The following TCF7 variants were observed in gnomAD, a reference collection of about 807,000 sequenced individuals.
The protein encoded by TCF7 is T-cell-factor-7.
Under a neutral mutation model 46.8 loss-of-function variants are expected in TCF7, and 19 were observed. The ratio of observed to expected loss-of-function variants is 0.41; its 90% confidence interval spans 0.28 to 0.60. The LOEUF is 0.60. Ranked by LOEUF, TCF7 falls within the 20% of genes least tolerant of loss-of-function variation. The pLI, the probability that TCF7 is intolerant of heterozygous loss-of-function variation, is 0.35. For synonymous variants in TCF7, 245 were observed against 213.4 expected, an observed-to-expected ratio of 1.15 and a Z score of -1.29; for missense variants, 547 against 504.6, an observed-to-expected ratio of 1.08 and a Z score of -0.81.
At chr5:134,133,197 C>G (rs941401995) in intron 3 of TCF7, among the ~76,000 whole-genome samples, 1 of 152,158 alleles carries the variant, frequency 6.6e-6, no homozygotes, top group Non-Finnish European at 1.5e-5. Flanking sequence ...GTTTGCTGAT[C>G]AAGCAGTTTG....
chr5:134,119,162 C>T (rs1449024284), intron 3 of TCF7, among the ~76,000 whole-genome samples: 3 of 152,176 alleles, frequency 2.0e-5, no homozygotes, highest in Non-Finnish European at 4.4e-5. Flanking sequence ...TCAGTCTTGT[C>T]ATATCCAAAA....
At chr5:134,122,191 T>TA (rs1007632819) in intron 3 of TCF7, among the ~76,000 whole-genome samples, 8 of 152,064 alleles carry the variant, frequency 5.3e-5, no homozygotes, top group African/African-American at 1.9e-4. Context: ...GACCCCTGGT[T>TA]AGAGCCAGGC....
chr5:134,129,291 C>T (rs1580839558), intron 3 of TCF7, among the ~76,000 whole-genome samples: 1 of 152,184 alleles, frequency 6.6e-6, no homozygotes, highest in Non-Finnish European at 1.5e-5. Context: ...TGGTATTTTC[C>T]TGCCTTTTCT....
Position 134,143,576 on chromosome 5 carries a change from C to T in TCF7, c.1027-16C>T. 1 of 1,614,130 alleles carries T rather than the reference C, an allele frequency of 6.2e-7. No individual in the cohort carries two copies. Among genetic ancestry groups the T allele is most frequent in the Non-Finnish European group, 8.5e-7 (1 of 1,180,004 alleles). On this transcript the variant is annotated splice_polypyrimidine_tract_variant and intron_variant, in intron 8 of 9. Transcript: ENST00000342854. ...TGCCTCCCAGATCTGAGCATCCCTC[C>T]TTTTGTTCCCTGCAGGGGAAGAAGA...
At chr5:134,110,681 C>T (rs2149256228), upstream of TCF7, among the ~76,000 whole-genome samples, 1 of 152,384 alleles carries the variant, frequency 6.6e-6, no homozygotes, top group East Asian at 1.9e-4. Flanking sequence ...AACAGGATGC[C>T]AGGCGGGCTG....
chr5:134,138,105 A>C lies in TCF7; in HGVS notation c.488A>C (p.Tyr163Ser), dbSNP rs759259896. The part of the protein sequence containing the change: ...PPHGVPQLSL[Y>S]EHFNSPHPTP... ...CACGGTGTCCCCCAACTCTCTCTCT[A>C]CGAACATTTCAACAGCCCACATCCC... The change falls in exon 4 of 10, where the codon TAC becomes TCC. Residue 163 changes from tyrosine to serine, a missense_variant. Around this residue, in one of 3 missense-constraint regions of TCF7, gnomAD observed 425 missense variants for 349.9 expected, o/e 1.21. Coordinates refer to ENST00000342854, the MANE Select transcript of TCF7 (RefSeq NM_003202.5). 1.9e-6 allele frequency: 3 copies of C among 1,612,020 alleles called. No homozygotes were observed. Among genetic ancestry groups the C allele is most frequent in the Admixed American group, 3.3e-5 (2 of 59,810 alleles).
chr5:134,122,936 C>A (rs1331394277), intron 3 of TCF7, among the ~76,000 whole-genome samples: 1 of 152,136 alleles, frequency 6.6e-6, no homozygotes, highest in Non-Finnish European at 1.5e-5. Flanking sequence ...GGCGTTGAGT[C>A]TGCACGATGC....
In TCF7 at chr5:134,143,030, A is replaced by G. The variant is rs999312759; in HGVS notation, c.956A>G (p.Tyr319Cys). Reference protein sequence around the residue: ...ALSREEQAKYYELARKERQLH... With the variant: ...ALSREEQAKYCELARKERQLH... The stretch of plus-strand genomic sequence containing the variant: ...TCGCGAGAAGAGCAGGCCAAGTACT[A>G]TGAGCTGGCCCGCAAGGAGAGGCAG... Residue 319 changes from tyrosine to cysteine, a missense_variant, in exon 8 of 10, where the codon TAT becomes TGT. Transcript: ENST00000342854. 1.2e-6 allele frequency: 2 copies of G among 1,612,670 alleles called. No homozygotes were observed. Among genetic ancestry groups the G allele is most frequent in the Non-Finnish European group, 8.5e-7 (1 of 1,179,324 alleles).
At chr5:134,144,773 C>A (rs753918029) in intron 9 of TCF7, 10 of 1,606,008 alleles carry the variant, frequency 6.2e-6, no homozygotes, top group Non-Finnish European at 8.5e-6. Context: ...CCCTGCTCTA[C>A]CCCTCTGGCA....
At chr5:134,122,538 C>T (rs1756746767) in intron 3 of TCF7, among the ~76,000 whole-genome samples, 1 of 152,166 alleles carries the variant, frequency 6.6e-6, no homozygotes, top group African/African-American at 2.4e-5. Context: ...TACCCCATCC[C>T]CAGCCCCTCC....
At chr5:134,112,622 GA>G (rs562021898), upstream of TCF7, among the ~76,000 whole-genome samples, 1 of 151,854 alleles carries the variant, frequency 6.6e-6, no homozygotes, top group Admixed American at 6.5e-5. Context: ...AACAGATGGG[GA>G]AAAAAATGTT....
chr5:134,124,949 G>A (rs1266899878), intron 3 of TCF7, among the ~76,000 whole-genome samples: 1 of 152,206 alleles, frequency 6.6e-6, no homozygotes, highest in African/African-American at 2.4e-5. Context: ...AGCTGTGATG[G>A]GAAGGAAGCC....
intron 3 of TCF7, among the ~76,000 whole-genome samples, chr5:134,127,754 G>A (rs2149306365): frequency 6.6e-6 from 1 of 152,332 alleles, no homozygotes; most frequent in Non-Finnish European, 1.5e-5. Context: ...GTCATTGCGG[G>A]CCAGCCAGGA....
intron 5 of TCF7, 154 bp downstream of exon 5, chr5:134,139,192 G>A: frequency 1.6e-6 from 2 of 1,224,198 alleles, no homozygotes; most frequent in Non-Finnish European, 2.2e-6. Context: ...GTCCTAACCT[G>A]GCTCTGAGCT....
Position 134,143,109 on chromosome 5 carries a change from C to A in TCF7, c.1026+9C>A. The A allele has an allele frequency of 6.3e-7, 1 of 1,596,598 alleles. No homozygotes were observed. Among genetic ancestry groups the A allele is most frequent in the Non-Finnish European group, 8.5e-7 (1 of 1,171,830 alleles). ...CAGCGCGGGACAACTACGTGAGTGC[C>A]TAGTGACACACAGCAGGGGTGGGCA... On this transcript the variant is annotated intron_variant, in intron 8 of 9. Transcript: ENST00000342854.
chr5:134,132,111 A>G (rs1189187044), intron 3 of TCF7, among the ~76,000 whole-genome samples: 2 of 152,232 alleles, frequency 1.3e-5, no homozygotes, highest in Admixed American at 6.5e-5. Flanking sequence ...CACAATAACC[A>G]TAGGCCCTTT....
rs1311293681 is a variant in TCF7 at position 134,138,094 on chromosome 5, A to C, written c.477A>C (p.Gln159His). 2 of 1,609,436 alleles carry C rather than the reference A, an allele frequency of 1.2e-6. No homozygotes were observed. The highest frequency in any genetic ancestry group is 2.2e-5 in the East Asian group (1 of 44,562). Reference protein sequence around the residue: ...KANQPPHGVPQLSLYEHFNSP... With the variant: ...KANQPPHGVPHLSLYEHFNSP... ...ATCAGCCCCCCCACGGTGTCCCCCA[A>C]CTCTCTCTCTACGAACATTTCAACA... The change falls in exon 4 of 10, where the codon CAA becomes CAC. Residue 159 changes from glutamine to histidine, a missense_variant. By Grantham distance (24) the Gln-to-His change is conservative. Transcript: ENST00000342854.
At position 134,138,107 on chromosome 5, in the gene TCF7, G is replaced by A. The variant is rs775076567; in HGVS notation, c.490G>A (p.Glu164Lys). ...CGGTGTCCCCCAACTCTCTCTCTAC[G>A]AACATTTCAACAGCCCACATCCCAC... ...PHGVPQLSLYEHFNSPHPTPA... is the reference protein window; with the variant it reads ...PHGVPQLSLYKHFNSPHPTPA... Residue 164 changes from glutamate to lysine, a missense_variant, in exon 4 of 10, where the codon GAA becomes AAA. Glu to Lys is a moderately conservative substitution (Grantham distance 56). Transcript: ENST00000342854. 3.7e-6 allele frequency: 6 copies of A among 1,611,858 alleles called. No individual in the cohort carries two copies. Among genetic ancestry groups the A allele is most frequent in the African/African-American group, 1.3e-5 (1 of 74,708 alleles).
intron 3 of TCF7, among the ~76,000 whole-genome samples, chr5:134,130,067 T>G (rs1757905915): frequency 6.6e-6 from 1 of 152,190 alleles, no homozygotes; most frequent in African/African-American, 2.4e-5. Flanking sequence ...GGCCGTCCTT[T>G]GGAGAGCACC....
Sources: allele counts gnomAD v4.1 joint callset (sites outside exome capture counted in the v4.1 genomes callset), GRCh38; gene constraint gnomAD v4.1.1; regional missense constraint gnomAD v4.1.1; transcripts MANE v1.5; gene names NCBI Gene and HGNC (gene_info 2026-07-23, HGNC 2026-07-21).